The following DSCAML1 variants were observed in gnomAD, a reference collection of about 807,000 sequenced individuals.
The protein encoded by DSCAML1 is cell adhesion molecule DSCAML1.
A neutral mutation model predicts 200.5 loss-of-function variants in DSCAML1; 38 were observed. That is an observed-to-expected ratio of 0.19 (90% CI 0.15 to 0.25). The LOEUF (loss-of-function observed/expected upper bound fraction) is 0.25. DSCAML1 is among the 10% of genes least tolerant of loss of function. The pLI is 1.00. For missense variants in DSCAML1, 2,223 were observed against 2,858.8 expected (o/e 0.78, Z 5.07); for synonymous variants, 1,215 against 1,165.0 (o/e 1.04, Z -0.87).
upstream of DSCAML1, chr11:117,801,837 C>G (rs1170061893): frequency 6.6e-6 from 1 of 152,258 alleles, no homozygotes; most frequent in Admixed American, 6.5e-5. Context: ...GATGGTTGGT[C>G]AGGGGCTGCG....
In DSCAML1 at chr11:117,428,276, T is replaced by C. The variant is rs1284482227; in HGVS notation, c.*52A>G. Reference sequence around the variant, plus strand: ...ATGCAGAAAAACAGCCGAGCTGGCGTGTGGGGCTGCGGCGCGGCGCGGTCC... The same window carrying C: ...ATGCAGAAAAACAGCCGAGCTGGCGCGTGGGGCTGCGGCGCGGCGCGGTCC... On this transcript the variant is annotated 3_prime_UTR_variant, in exon 33 of 33. Transcript: ENST00000651296. 4 of 1,013,948 alleles carry C rather than the reference T, an allele frequency of 3.9e-6. No individual in the cohort carries two copies. The highest frequency in any genetic ancestry group is 4.9e-5 in the East Asian group (2 of 41,150). 62.8% of individuals were successfully genotyped at this position (1,013,948 alleles called of 1,614,324 possible). A position where few individuals can be genotyped will look rare whatever the true frequency, so the allele number is the denominator to read the frequency against.
Position 117,516,552 on chromosome 11 carries a change from C to T in DSCAML1, c.1698G>A (p.Lys566=). ...ACAGGTACTCCCCCTCATCCATGCC[C>T]TTCTGCACGTCAGTCAGCTTGAGGG... is the stretch of plus-strand genomic sequence containing the variant. ...NGTLKLTDVQ[K]GMDEGEYLCS... Residue 566 remains lysine (K), a synonymous_variant, in exon 8 of 33, where the codon AAG becomes AAA. Coordinates refer to ENST00000651296, the MANE Select transcript of DSCAML1 (RefSeq NM_020693.4). The surrounding 1 kb of genome is among the most constrained non-coding windows in gnomAD (Gnocchi z 5.7). The T allele has an allele frequency of 6.2e-7, 1 of 1,614,062 alleles. No individual in the cohort carries two copies. Among genetic ancestry groups the T allele is most frequent in the East Asian group, 2.2e-5 (1 of 44,862 alleles).
At chr11:117,525,220 A>T in intron 4 of DSCAML1, 137 bp from the exon 5 acceptor site, 1 of 1,086,958 alleles carries the variant, frequency 9.2e-7, no homozygotes, top group South Asian at 1.7e-5. Context: ...GGGCGGCTCC[A>T]GAGGAACATT....
chr11:117,577,019 A>G (rs1226812193), intron 3 of DSCAML1, among the ~76,000 whole-genome samples: 4 of 152,204 alleles, frequency 2.6e-5, no homozygotes, highest in African/African-American at 9.7e-5. Context: ...CTATATGGCA[A>G]ATCATACCCA....
At chr11:117,742,401 G>T (rs561824889) in intron 3 of DSCAML1, among the ~76,000 whole-genome samples, 1 of 152,220 alleles carries the variant, frequency 6.6e-6, no homozygotes, top group Non-Finnish European at 1.5e-5. Context: ...ATTTTGGGAC[G>T]CTGGTGGTAC....
chr11:117,813,987 A>G (rs1343057263), intron 1 of DSCAML1, among the ~76,000 whole-genome samples: 1 of 152,194 alleles, frequency 6.6e-6, no homozygotes, highest in Non-Finnish European at 1.5e-5. Flanking sequence ...AAGAATCACA[A>G]AAGAAGTGAA....
Position 117,745,830 on chromosome 11 carries a change from G to A in DSCAML1, c.511+30961C>T, listed in dbSNP as rs577393836. Among the ~76,000 whole-genome samples, 37 of 152,258 alleles carry A rather than the reference G, an allele frequency of 2.4e-4. 1 individual carries two copies. Among genetic ancestry groups the A allele is most frequent in the African/African-American group, 7.7e-4 (32 of 41,540 alleles). On this transcript the variant is annotated intron_variant, in intron 3 of 32. Transcript: ENST00000651296. ...GACATCTCCGTGCCTCAATGTCTTC[G>A]TCTGTAACATGGAGATAATAATAGC...
intron 3 of DSCAML1, chr11:117,611,583 C>T (rs976761439): frequency 6.6e-6 from 1 of 152,234 alleles, no homozygotes; most frequent in East Asian, 1.9e-4. Flanking sequence ...CAAGCTCACC[C>T]TTTTCCTCCT....
chr11:117,577,453 CTTCCT>C (rs1342361072), intron 3 of DSCAML1, among the ~76,000 whole-genome samples: 7 of 60,162 alleles, frequency 1.2e-4, no homozygotes, highest in Admixed American at 4.0e-4. Context: ...TCCTTCCTTC[CTTCCT>C]TTCCTTCCTT....
At chr11:117,811,163 T>C (rs1427287184) in intron 1 of DSCAML1, among the ~76,000 whole-genome samples, 2 of 152,192 alleles carry the variant, frequency 1.3e-5, no homozygotes, top group African/African-American at 2.4e-5. Flanking sequence ...TGCTCCTTTT[T>C]CTTTATCCCA....
At chr11:117,791,130 T>C (rs779030859) in intron 1 of DSCAML1, among the ~76,000 whole-genome samples, 6 of 152,084 alleles carry the variant, frequency 3.9e-5, no homozygotes, top group Non-Finnish European at 7.4e-5. Context: ...AACATCTGTT[T>C]AACAAGGCAC....
intron 3 of DSCAML1, among the ~76,000 whole-genome samples, chr11:117,707,900 G>A (rs1010808587): frequency 3.9e-5 from 6 of 152,198 alleles, no homozygotes; most frequent in Non-Finnish European, 5.9e-5. Context: ...AATCTCATAA[G>A]GTCCTTGTTC....
rs147519443 is a variant in DSCAML1, at chr11:117,458,879, G to A, written c.3443C>T (p.Thr1148Met). The stretch of plus-strand genomic sequence containing the variant: ...GCCCCGCAGCTCCACCCGCTCCCGC[G>A]TGGTGGTGATGTTCTGCATCTCGCC... Reference protein sequence around the residue: ...EWGEMQNITTTRERVELRGME... With the variant: ...EWGEMQNITTMRERVELRGME... Residue 1148 changes from threonine (T) to methionine (M), a missense_variant, in exon 19 of 33, where the codon ACG (threonine) becomes ATG (methionine). This residue lies in a region of DSCAML1 where 438 missense variants were observed against 629.7 expected (regional missense o/e 0.70). Transcript: ENST00000651296. 42 of 1,613,862 alleles carry A rather than the reference G, an allele frequency of 2.6e-5. 1 individual carries two copies. In the African/African-American group the frequency reaches 2.9e-4, roughly 11 times the overall value.
At chr11:117,674,501 C>T (rs1342395752) in intron 3 of DSCAML1, among the ~76,000 whole-genome samples, 1 of 152,146 alleles carries the variant, frequency 6.6e-6, no homozygotes, top group Non-Finnish European at 1.5e-5. Flanking sequence ...ATGGGTACCA[C>T]GTCCTCATGA....
intron 3 of DSCAML1, among the ~76,000 whole-genome samples, chr11:117,589,692 T>C (rs776229551): frequency 1.3e-5 from 2 of 152,228 alleles, no homozygotes; most frequent in Non-Finnish European, 2.9e-5. Context: ...GCCCCTGGGA[T>C]TGGGCAAAGA....
At position 117,469,581 on chromosome 11, in the gene DSCAML1, C is replaced by T. The variant is rs2048645265; in HGVS notation, c.3024+329G>A. On this transcript the variant is annotated intron_variant, in intron 16 of 32. Transcript: ENST00000651296. The surrounding 1 kb of genome is among the most constrained non-coding windows in gnomAD (Gnocchi z 4.1). ...GCACAAAATCAAACCTACTTCCAAC[C>T]TTATTACAACATGTGGGGTTTGGAC... 6.6e-6 allele frequency among the ~76,000 whole-genome samples: 1 copy of T among 152,080 alleles called. No individual in the cohort carries two copies. Among genetic ancestry groups the T allele is most frequent in the Non-Finnish European group, 1.5e-5 (1 of 68,016 alleles).
At chr11:117,515,610 C>CTTTTTGTTTTTTTTTTTTTT (rs2049746585) in intron 8 of DSCAML1, among the ~76,000 whole-genome samples, 1 of 65,122 alleles carries the variant, frequency 1.5e-5, no homozygotes, top group Non-Finnish European at 2.7e-5. Context: ...AGGGACGAAG[C>CTTTTTGTTTTTTTTTTTTTT]TTTTTTTTTT....
upstream of DSCAML1, among the ~76,000 whole-genome samples, chr11:117,800,327 C>A (rs1215422407): frequency 6.6e-6 from 1 of 152,208 alleles, no homozygotes; most frequent in African/African-American, 2.4e-5. Flanking sequence ...ACAGTCCCCT[C>A]CCCAGCTGAC....
chr11:117,719,441 CAAAGGAAGG>C (rs1245933993), intron 3 of DSCAML1, among the ~76,000 whole-genome samples: 14 of 152,114 alleles, frequency 9.2e-5, no homozygotes, highest in African/African-American at 1.4e-4. Flanking sequence ...AAGACTCTGT[CAAAGGAAGG>C]AAAGGAAGGA....
Sources: allele counts gnomAD v4.1 joint callset (sites outside exome capture counted in the v4.1 genomes callset), GRCh38; gene constraint gnomAD v4.1.1; regional missense constraint gnomAD v4.1.1; non-coding constraint Gnocchi (gnomAD v3.1); transcripts MANE v1.5; gene names NCBI Gene and HGNC (gene_info 2026-07-23, HGNC 2026-07-21).